Variants in EMILIN2 observed in about 807,000 individuals in gnomAD.
EMILIN2 encodes the protein EMILIN-2.
Under a neutral mutation model 87.1 loss-of-function variants are expected in EMILIN2, and 71 were observed. The ratio of observed to expected loss-of-function variants is 0.82; its 90% CI spans 0.67 to 0.99. EMILIN2 has a LOEUF of 0.99. Among genes scored for constraint, EMILIN2 ranks in the 50% least tolerant of loss-of-function variants. The pLI is 0.00. For synonymous variants in EMILIN2, 581 were observed against 563.4 expected (o/e 1.03, Z -0.44); for missense variants, 1,407 against 1,371.8 (o/e 1.03, Z -0.40).
At chr18:2,895,462 A>G (rs2076858997) in intron 4 of EMILIN2, among the ~76,000 whole-genome samples, 1 of 152,168 alleles carries the variant, frequency 6.6e-6, no homozygotes, top group African/African-American at 2.4e-5. Flanking sequence ...TAAAACAACA[A>G]AGATGTATTA....
chr18:2,882,073 C>T (rs745495946), intron 2 of EMILIN2, among the ~76,000 whole-genome samples: 5 of 152,314 alleles, frequency 3.3e-5, no homozygotes, highest in East Asian at 1.9e-4. Flanking sequence ...TTGGGTTTAA[C>T]GGCCCTGCCC....
intron 2 of EMILIN2, among the ~76,000 whole-genome samples, chr18:2,865,662 C>A (rs1452251023): frequency 1.3e-5 from 2 of 152,188 alleles, no homozygotes; most frequent in African/African-American, 4.8e-5. Flanking sequence ...GGATCAGGGA[C>A]CCACTTGAGG....
chr18:2,848,824 A>G lies in EMILIN2; in HGVS notation c.257+893A>G, dbSNP rs1246580254. 3.3e-5 allele frequency among the ~76,000 whole-genome samples: 5 copies of G among 152,186 alleles called. No homozygotes were observed. Among genetic ancestry groups the G allele is most frequent in the Admixed American group, 2.0e-4 (3 of 15,282 alleles). On this transcript the variant is annotated intron_variant, in intron 2 of 7. Transcript: ENST00000254528. This position sits in a 1 kb window ranked among gnomAD's most constrained non-coding sequence, Gnocchi z 4.1. Reference sequence around the variant, plus strand: ...TAGAGCACAGTTGTCATTACAGCAGAGAATAGTCAGTAGGCGGATCTGTCT... The same window carrying G: ...TAGAGCACAGTTGTCATTACAGCAGGGAATAGTCAGTAGGCGGATCTGTCT...
At position 2,899,798 on chromosome 18, in the gene EMILIN2, G is replaced by A. The variant is rs74873553; in HGVS notation, c.2360-6985G>A. Among the ~76,000 whole-genome samples, 828 of 152,222 alleles carry A rather than the reference G, an allele frequency of 5.4e-3. 7 individuals are homozygous for A. Among genetic ancestry groups the A allele is most frequent in the African/African-American group, 0.018 (748 of 41,530 alleles). ...GGATTACAGGCGTGAGCCACCGCGC[G>A]CGGCCCAGCTTGTGAATTTCTAAAA... On this transcript the variant is annotated intron_variant, in intron 4 of 7. Coordinates refer to ENST00000254528, the MANE Select transcript of EMILIN2 (RefSeq NM_032048.3).
At chr18:2,850,634 G>T (rs377326725) in intron 2 of EMILIN2, among the ~76,000 whole-genome samples, 1 of 151,990 alleles carries the variant, frequency 6.6e-6, no homozygotes, top group South Asian at 2.1e-4. Context: ...GGAAAAAAAC[G>T]TTCTTCAGAA....
intron 7 of EMILIN2, among the ~76,000 whole-genome samples, chr18:2,910,928 T>C (rs919339616): frequency 6.6e-6 from 1 of 152,192 alleles, no homozygotes; most frequent in African/African-American, 2.4e-5. Context: ...CGCCACTTAC[T>C]TTCCACCGCC....
chr18:2,898,679 G>A (rs626936), intron 4 of EMILIN2, among the ~76,000 whole-genome samples: 149,179 of 152,272 alleles, frequency 0.98, 73,154 homozygotes, highest in East Asian at 1. Flanking sequence ...AGGTTTAAGC[G>A]TACTATTTTT....
At position 2,894,833 on chromosome 18, in the gene EMILIN2, G is replaced by C. The variant is rs1348979332; in HGVS notation, c.2359+2347G>C. 3.9e-5 allele frequency among the ~76,000 whole-genome samples: 6 copies of C among 152,118 alleles called. No individual in the cohort carries two copies. The highest frequency in any genetic ancestry group is 1.4e-4 in the African/African-American group (6 of 41,432). On this transcript the variant is annotated intron_variant, in intron 4 of 7. Coordinates refer to ENST00000254528, the MANE Select transcript of EMILIN2 (RefSeq NM_032048.3). This position sits in a 1 kb window ranked among gnomAD's most constrained non-coding sequence, Gnocchi z 5.0. ...GAACCTGAGTATCAGAGGTGCATGGGAGAATCTGGAGCTAAGGTCACAATG... is the reference window on the plus strand; with the variant it reads ...GAACCTGAGTATCAGAGGTGCATGGCAGAATCTGGAGCTAAGGTCACAATG...
intron 2 of EMILIN2, among the ~76,000 whole-genome samples, chr18:2,851,865 C>T (rs984200472): frequency 1.3e-5 from 2 of 152,136 alleles, no homozygotes. Context: ...TTAGTTTCTG[C>T]AACAGCCCTT....
At chr18:2,865,507 G>A (rs28877609) in intron 2 of EMILIN2, among the ~76,000 whole-genome samples, 7,865 of 152,262 alleles carry the variant, frequency 0.052, 696 homozygotes, top group African/African-American at 0.18. Flanking sequence ...TATCAGCAGC[G>A]GAGGCTGCAG....
intron 4 of EMILIN2, among the ~76,000 whole-genome samples, chr18:2,898,015 T>C (rs923915267): frequency 6.6e-6 from 1 of 152,212 alleles, no homozygotes; most frequent in East Asian, 1.9e-4. Context: ...TTATTCCCTA[T>C]GCAGTGTAGC....
At chr18:2,896,888 G>A (rs1476280387) in intron 4 of EMILIN2, among the ~76,000 whole-genome samples, 1 of 152,048 alleles carries the variant, frequency 6.6e-6, no homozygotes, top group Non-Finnish European at 1.5e-5. Context: ...TGTAATCCCA[G>A]CACTTTGCGA....
In EMILIN2 at chr18:2,867,096, C is replaced by G. The variant is rs377003770; in HGVS notation, c.258-17868C>G. ...TTCGATATGCTGTTGGTTTGGTTAG[C>G]TAGTATTTTGTTAAGGATTTTTGCA... On this transcript the variant is annotated intron_variant, in intron 2 of 7. Coordinates refer to ENST00000254528, the MANE Select transcript of EMILIN2 (RefSeq NM_032048.3). Among the ~76,000 whole-genome samples, 12 of 152,150 alleles carry G rather than the reference C, an allele frequency of 7.9e-5. No individual in the cohort carries two copies. In the South Asian group the frequency reaches 2.5e-3, roughly 32 times the overall value.
At chr18:2,912,767 C>T (rs1394840480) in intron 7 of EMILIN2, among the ~76,000 whole-genome samples, 1 of 152,190 alleles carries the variant, frequency 6.6e-6, no homozygotes, top group Non-Finnish European at 1.5e-5. Flanking sequence ...CCCGGGTATT[C>T]TGCCCAGCAG....
chr18:2,883,160 C>T (rs1488750702), intron 2 of EMILIN2, among the ~76,000 whole-genome samples: 1 of 152,082 alleles, frequency 6.6e-6, no homozygotes, highest in Non-Finnish European at 1.5e-5. Context: ...TGCAGGGTGC[C>T]TAGCCAGTCC....
At chr18:2,876,823 C>T (rs28578319) in intron 2 of EMILIN2, among the ~76,000 whole-genome samples, 91,150 of 151,746 alleles carry the variant, frequency 0.6, 27,827 homozygotes, top group East Asian at 0.92. Context: ...TATCAGGGCT[C>T]TTCAACCTTT....
Position 2,858,581 on chromosome 18 carries a change from G to GTATATATATA in EMILIN2, c.257+10651_257+10652insATATATATAT, listed in dbSNP as rs1416903980. On this transcript the variant is annotated intron_variant, in intron 2 of 7. Transcript: ENST00000254528. ...TATATATATATATATGTGTGTGTGTGTGTATATATATATATATATATGTGT... is the reference window on the plus strand; with the variant it reads ...TATATATATATATATGTGTGTGTGTGTATATATATATGTATATATATATATATATATGTGT... Among the ~76,000 whole-genome samples, 147 of 64,774 alleles carry GTATATATATA rather than the reference G, an allele frequency of 2.3e-3. 6 individuals are homozygous for GTATATATATA. Among genetic ancestry groups the GTATATATATA allele is most frequent in the South Asian group, 9.5e-3 (17 of 1,786 alleles). The allele number at this position is 64,774 out of a possible 152,430, so 42.5% of individuals were successfully genotyped here. A position where few individuals can be genotyped will look rare whatever the true frequency, so the allele number is the denominator to read the frequency against.
intron 2 of EMILIN2, among the ~76,000 whole-genome samples, chr18:2,858,760 C>T (rs531079251): frequency 2.0e-5 from 3 of 151,134 alleles, no homozygotes; most frequent in South Asian, 2.1e-4. Context: ...CTCAGCCTCC[C>T]GAGTAGCTGG....
chr18:2,885,338 T>C (rs114469122), intron 3 of EMILIN2, among the ~76,000 whole-genome samples, 199 bp downstream of exon 3: 46 of 152,264 alleles, frequency 3.0e-4, no homozygotes, highest in African/African-American at 1.1e-3. Context: ...TGCAAGTAAA[T>C]TGCTTTGCTA....
Sources: allele counts gnomAD v4.1 joint callset (sites outside exome capture counted in the v4.1 genomes callset), GRCh38; gene constraint gnomAD v4.1.1; non-coding constraint Gnocchi (gnomAD v3.1); transcripts MANE v1.5; gene names NCBI Gene and HGNC (gene_info 2026-07-23, HGNC 2026-07-21).